VAMP8: variants seen among roughly 807,000 people sequenced by gnomAD.
The protein encoded by VAMP8 is vesicle associated membrane protein 8.
In VAMP8, 9 loss-of-function variants were observed where a neutral mutation model predicts 11.4. The observed-to-expected ratio is 0.79, with a 90% CI of 0.48 to 1.38. VAMP8 has a LOEUF of 1.38. Among genes scored for constraint, VAMP8 ranks in the 40% most tolerant of loss-of-function variants. The probability of loss-of-function intolerance (pLI) is 0.00; values close to 1 mark genes in which losing one functional copy is unlikely to be tolerated. For synonymous variants in VAMP8, 42 were observed against 44.7 expected, an observed-to-expected ratio of 0.94 and a Z score of 0.24; for missense variants, 108 against 127.8, an observed-to-expected ratio of 0.85 and a Z score of 0.75.
intron 2 of VAMP8, 58 bp downstream of exon 2, chr2:85,579,225 T>A: frequency 1.3e-6 from 2 of 1,484,534 alleles, no homozygotes; most frequent in South Asian, 2.8e-5. Context: ...GAATTTCTTT[T>A]TGGTGGGGCA....
At chr2:85,578,244 C>A (rs3770098) in intron 1 of VAMP8, among the ~76,000 whole-genome samples, 70,233 of 151,902 alleles carry the variant, frequency 0.46, 16,878 homozygotes, top group African/African-American at 0.6. Flanking sequence ...GAGCTAAATA[C>A]TATTTTTCTC....
intron 2 of VAMP8, among the ~76,000 whole-genome samples, chr2:85,580,954 C>G (rs1672366951): frequency 6.6e-6 from 1 of 151,928 alleles, no homozygotes; most frequent in South Asian, 2.1e-4. Flanking sequence ...CAGGCGTGAA[C>G]CACCGCACCC....
chr2:85,579,159 G>T lies in VAMP8; in HGVS notation c.154G>T (p.Glu52Ter). 6.3e-7 allele frequency: 1 copy of T among 1,595,694 alleles called. No individual in the cohort carries two copies. Among genetic ancestry groups the T allele is most frequent in the Non-Finnish European group, 8.6e-7 (1 of 1,167,804 alleles). Residue 52 changes from glutamate (E) to a stop codon, truncating the protein, a stop_gained, in exon 2 of 3, where the codon GAA becomes TAA. Transcript: ENST00000263864. LOFTEE classifies it high-confidence loss of function. ...EHLRNKTEDLEATSEHFKTTS... is the reference protein window; with the variant it reads ...EHLRNKTEDL ...TCTCCGCAACAAGACAGAGGATCTG[G>T]AAGCCACAGTGAGACAGGGAGCCCA...
At chr2:85,578,794 C>G (rs772314461) in intron 1 of VAMP8, among the ~76,000 whole-genome samples, 2 of 152,192 alleles carry the variant, frequency 1.3e-5, no homozygotes, top group African/African-American at 2.4e-5. Context: ...GAAGTTTGAT[C>G]TAGTCTGTTC....
chr2:85,578,934 C>A, intron 1 of VAMP8, 75 bp from the exon 2 acceptor site: 1 of 1,516,510 alleles, frequency 6.6e-7, no homozygotes, highest in East Asian at 2.4e-5. Context: ...TGAGGCCTTA[C>A]CCTCCCCAGA....
At position 85,581,879 on chromosome 2, in the gene VAMP8, A is replaced by C; in HGVS notation, c.*163A>C. ...TGCCATGTTGTATGCCCCAGAAGGT[A>C]CCTTGGTCCCCCGGAAGGAGAGAAA... is the stretch of plus-strand genomic sequence containing the variant. On this transcript the variant is annotated 3_prime_UTR_variant, in exon 3 of 3. Transcript: ENST00000263864. 1 of 936,440 alleles carries C rather than the reference A, an allele frequency of 1.1e-6. No homozygotes were observed. Among genetic ancestry groups the C allele is most frequent in the Non-Finnish European group, 1.6e-6 (1 of 623,986 alleles). The allele number at this position is 936,440 out of a possible 1,614,324, so 58.0% of individuals were successfully genotyped here.
intron 1 of VAMP8, 46 bp downstream of exon 1, chr2:85,577,695 A>C (rs761010303): frequency 8.4e-6 from 13 of 1,546,570 alleles, no homozygotes; most frequent in Non-Finnish European, 1.0e-5. Context: ...AAGAGGAGCC[A>C]GAGGGGGCTT....
rs777193785 is a variant in VAMP8 at position 85,578,985 on chromosome 2, A to G, written c.4-24A>G. ...CTCCAGTTCCCCCACCACTTGGTCTAATTAACCCCGTGTTGCCGCACAGGA... is the reference window on the plus strand; with the variant it reads ...CTCCAGTTCCCCCACCACTTGGTCTGATTAACCCCGTGTTGCCGCACAGGA... On this transcript the variant is annotated intron_variant, in intron 1 of 2. Transcript: ENST00000263864. 3.8e-6 allele frequency: 6 copies of G among 1,590,192 alleles called. No individual in the cohort carries two copies. In the South Asian group the frequency reaches 4.6e-5, roughly 12 times the overall value.
intron 2 of VAMP8, among the ~76,000 whole-genome samples, chr2:85,580,134 TAG>T: frequency 6.6e-6 from 1 of 152,216 alleles, no homozygotes; most frequent in Middle Eastern, 3.4e-3. Flanking sequence ...GTATTTTTAG[TAG>T]AGACGAAGTT....
At chr2:85,579,595 G>A in intron 2 of VAMP8, 2 of 1,338,624 alleles carry the variant, frequency 1.5e-6, no homozygotes, top group Non-Finnish European at 9.9e-7. Context: ...ACAAGGGGTG[G>A]GAAATTGCTG....
At position 85,581,612 on chromosome 2, in the gene VAMP8, C is replaced by T. The variant is rs768302225; in HGVS notation, c.199C>T (p.Arg67Ter). Reference sequence around the variant, plus strand: ...CAAGACGACATCGCAGAAGGTGGCTCGAAAATTCTGGTGGAAGAACGTGAA... The same window carrying T: ...CAAGACGACATCGCAGAAGGTGGCTTGAAAATTCTGGTGGAAGAACGTGAA... ...HFKTTSQKVARKFWWKNVKMI... is the reference protein window; with the variant it reads ...HFKTTSQKVA The change falls in exon 3 of 3, where the codon CGA becomes TGA. Residue 67 changes from arginine to a stop codon, truncating the protein, a stop_gained. Transcript: ENST00000263864. LOFTEE classifies it high-confidence loss of function. The T allele has an allele frequency of 6.2e-6, 10 of 1,614,004 alleles. No homozygotes were observed. Among genetic ancestry groups the T allele is most frequent in the African/African-American group, 4.0e-5 (3 of 74,894 alleles).
chr2:85,581,921 T>C lies in VAMP8; in HGVS notation c.*205T>C. ...GGAGAGAAAAAAGAGAGATGGACTG[T>C]GGCTGCATTTCTTGGGTCCTTAGAG... On this transcript the variant is annotated 3_prime_UTR_variant, in exon 3 of 3. Coordinates refer to ENST00000263864, the MANE Select transcript of VAMP8 (RefSeq NM_003761.5). 1 of 657,022 alleles carries C rather than the reference T, an allele frequency of 1.5e-6. No homozygotes were observed. Among genetic ancestry groups the C allele is most frequent in the Non-Finnish European group, 2.5e-6 (1 of 395,568 alleles). The allele number at this position is 657,022 out of a possible 1,614,324, so 40.7% of individuals were successfully genotyped here. A position where few individuals can be genotyped will look rare whatever the true frequency, so the allele number is the denominator to read the frequency against.
Position 85,577,653 on chromosome 2 carries a change from A to T in VAMP8, c.3+4A>T, listed in dbSNP as rs1672302765. ...GCCTGGGCTGCTCTGAGACATGGTG[A>T]GCCAACTGGGAACTAGGAAAGGGCT... On this transcript the variant is annotated splice_donor_region_variant and intron_variant, in intron 1 of 2. Transcript: ENST00000263864. 9 of 1,551,334 alleles carry T rather than the reference A, an allele frequency of 5.8e-6. No individual in the cohort carries two copies. Among genetic ancestry groups the T allele is most frequent in the African/African-American group, 1.4e-5 (1 of 72,754 alleles).
chr2:85,581,868 C>T lies in VAMP8; in HGVS notation c.*152C>T, dbSNP rs1672385133. 5 of 1,016,848 alleles carry T rather than the reference C, an allele frequency of 4.9e-6. No homozygotes were observed. Among genetic ancestry groups the T allele is most frequent in the Non-Finnish European group, 7.2e-6 (5 of 693,156 alleles). The allele number at this position is 1,016,848 out of a possible 1,614,324, so 63.0% of individuals were successfully genotyped here. On this transcript the variant is annotated 3_prime_UTR_variant, in exon 3 of 3. Transcript: ENST00000263864. ...CGAGGCCCTGCTGCCATGTTGTATG[C>T]CCCAGAAGGTACCTTGGTCCCCCGG...
intron 2 of VAMP8, 89 bp from the exon 3 acceptor site, chr2:85,581,485 AAG>A: frequency 1.3e-6 from 2 of 1,492,918 alleles, no homozygotes; most frequent in South Asian, 1.3e-5. Context: ...AAAAAAAAAA[AAG>A]TATGGCCTGT....
At chr2:85,578,418 A>G (rs1451182194) in intron 1 of VAMP8, among the ~76,000 whole-genome samples, 1 of 152,200 alleles carries the variant, frequency 6.6e-6, no homozygotes, top group Non-Finnish European at 1.5e-5. Context: ...TGGGGAAAGC[A>G]GAAGTGTGTG....
At chr2:85,580,959 G>A (rs1330568036) in intron 2 of VAMP8, among the ~76,000 whole-genome samples, 4 of 151,438 alleles carry the variant, frequency 2.6e-5, no homozygotes, top group South Asian at 2.1e-4. Flanking sequence ...GTGAACCACC[G>A]CACCCGGCCA....
Position 85,577,627 on chromosome 2 carries a change from G to A in VAMP8, c.-20G>A, listed in dbSNP as rs770009655. 5.2e-5 allele frequency: 81 copies of A among 1,552,116 alleles called. No individual in the cohort carries two copies. In the South Asian group the frequency reaches 7.4e-4, roughly 14 times the overall value. On this transcript the variant is annotated 5_prime_UTR_variant, in exon 1 of 3. Coordinates refer to ENST00000263864, the MANE Select transcript of VAMP8 (RefSeq NM_003761.5). The stretch of plus-strand genomic sequence containing the variant: ...GACTAGGCGAATTCACTTACTGACC[G>A]GCCTGGGCTGCTCTGAGACATGGTG...
chr2:85,581,042 C>T (rs961480675), intron 2 of VAMP8, among the ~76,000 whole-genome samples: 8 of 152,144 alleles, frequency 5.3e-5, no homozygotes, highest in South Asian at 4.2e-4. Context: ...TTGAGCTGAA[C>T]GTGGTGGCAT....
Sources: allele counts gnomAD v4.1 joint callset (sites outside exome capture counted in the v4.1 genomes callset), GRCh38; gene constraint gnomAD v4.1.1; transcripts MANE v1.5; gene names NCBI Gene and HGNC (gene_info 2026-07-23, HGNC 2026-07-21).